Variants in ERBB4 observed in about 807,000 individuals in gnomAD.
ERBB4 encodes receptor tyrosine-protein kinase erbB-4.
In ERBB4, 42 loss-of-function variants were observed where a neutral mutation model predicts 158.0. That is an observed-to-expected ratio of 0.27 (90% CI 0.21 to 0.34). The LOEUF (loss-of-function observed/expected upper bound fraction) is 0.34. Ranked by LOEUF, ERBB4 falls within the 10% of genes least tolerant of loss-of-function variation. The pLI is 1.00. For missense variants in ERBB4, 1,333 were observed against 1,624.1 expected (o/e 0.82, Z 3.08); for synonymous variants, 583 against 558.7 (o/e 1.04, Z -0.61).
chr2:211,711,027 T>TAAA, intron 9 of ERBB4, among the ~76,000 whole-genome samples: 1 of 139,988 alleles, frequency 7.1e-6, no homozygotes, highest in African/African-American at 2.6e-5. Flanking sequence ...AAAAGGCAAG[T>TAAA]AAAAAAAAAA....
chr2:211,889,439 A>G (rs1218358166), intron 3 of ERBB4, among the ~76,000 whole-genome samples: 1 of 149,840 alleles, frequency 6.7e-6, no homozygotes, highest in Non-Finnish European at 1.5e-5. Flanking sequence ...TAAAACCACA[A>G]AGATGGGGAA....
chr2:211,845,017 T>A (rs1224463076), intron 3 of ERBB4, among the ~76,000 whole-genome samples: 1 of 152,116 alleles, frequency 6.6e-6, no homozygotes, highest in Non-Finnish European at 1.5e-5. Flanking sequence ...CCAATTCTTG[T>A]AGCATTGGGA....
intron 1 of ERBB4, among the ~76,000 whole-genome samples, chr2:212,314,561 A>G (rs115962666): frequency 6.6e-6 from 1 of 151,078 alleles, no homozygotes; most frequent in Non-Finnish European, 1.5e-5. Context: ...ATAGAATTTT[A>G]AAAAAAATCC....
chr2:211,705,158 T>C (rs528415718), intron 10 of ERBB4, among the ~76,000 whole-genome samples, 160 bp downstream of exon 10: 2 of 152,230 alleles, frequency 1.3e-5, no homozygotes, highest in East Asian at 1.9e-4. Context: ...GGTTTCTCCA[T>C]GTTGGCCAGG....
chr2:211,494,693 CG>C (rs1355438510), intron 20 of ERBB4, among the ~76,000 whole-genome samples: 1 of 152,024 alleles, frequency 6.6e-6, no homozygotes, highest in Non-Finnish European at 1.5e-5. Flanking sequence ...TTTTAAAAGG[CG>C]TTTGTTGTGA....
intron 2 of ERBB4, among the ~76,000 whole-genome samples, chr2:212,059,896 T>A (rs2077707123): frequency 6.6e-6 from 1 of 152,098 alleles, no homozygotes; most frequent in Non-Finnish European, 1.5e-5. Flanking sequence ...GCACTTCATG[T>A]CTAAAACACC....
intron 1 of ERBB4, among the ~76,000 whole-genome samples, chr2:212,254,609 TC>T (rs776965984): frequency 2.8e-4 from 42 of 151,898 alleles, no homozygotes; most frequent in African/African-American, 9.7e-4. Context: ...CTGACACCAT[TC>T]CCCACGAATC....
intron 4 of ERBB4, among the ~76,000 whole-genome samples, chr2:211,781,275 GA>G (rs974005085): frequency 7.9e-5 from 12 of 151,984 alleles, no homozygotes; most frequent in African/African-American, 1.9e-4. Context: ...AAAAGTCACT[GA>G]AAAAAAAGTT....
chr2:212,278,122 T>G (rs1004167510), intron 1 of ERBB4, among the ~76,000 whole-genome samples: 2 of 151,930 alleles, frequency 1.3e-5, no homozygotes, highest in African/African-American at 4.8e-5. Context: ...AGTTTTGTAC[T>G]TGAAATGTTT....
At chr2:211,605,960 C>A (rs1443905935) in intron 19 of ERBB4, among the ~76,000 whole-genome samples, 1 of 151,830 alleles carries the variant, frequency 6.6e-6, no homozygotes, top group African/African-American at 2.4e-5. Context: ...TAAGAGGTCT[C>A]CTAATTAGTA....
intron 1 of ERBB4, among the ~76,000 whole-genome samples, chr2:212,279,073 T>C (rs17346545): frequency 0.045 from 6,833 of 151,554 alleles, 215 homozygotes; most frequent in Middle Eastern, 0.071. Flanking sequence ...ACTGTAAATT[T>C]GTGTGTATTT....
At chr2:212,475,696 G>T (rs1286703230) in intron 1 of ERBB4, among the ~76,000 whole-genome samples, 1 of 152,034 alleles carries the variant, frequency 6.6e-6, no homozygotes, top group Non-Finnish European at 1.5e-5. Flanking sequence ...ATGTGTTATT[G>T]TATGAATGAA....
At position 211,788,055 on chromosome 2, in the gene ERBB4, T is replaced by G. The variant is rs2076207225; in HGVS notation, c.526A>C (p.Thr176Pro). 6 of 1,613,322 alleles carry G rather than the reference T, an allele frequency of 3.7e-6. No individual in the cohort carries two copies. The highest frequency in any genetic ancestry group is 5.1e-6 in the Non-Finnish European group (6 of 1,179,612). Residue 176 changes from threonine (T) to proline (P), a missense_variant, in exon 4 of 28, where the codon ACT (threonine) becomes CCT (proline). Coordinates refer to ENST00000342788, the MANE Select transcript of ERBB4 (RefSeq NM_005235.3). ...IVRNPWPSNLTLVSTNGSSGC... is the reference protein window; with the variant it reads ...IVRNPWPSNLPLVSTNGSSGC... Reference sequence around the variant, plus strand: ...GAACTACCATTTGTTGACACAAGAGTCAAGTTGGAAGGCCATGGGTTCCGA... The same window carrying G: ...GAACTACCATTTGTTGACACAAGAGGCAAGTTGGAAGGCCATGGGTTCCGA...
chr2:212,204,309 A>G (rs2082671997), intron 1 of ERBB4, among the ~76,000 whole-genome samples: 1 of 152,226 alleles, frequency 6.6e-6, no homozygotes. Flanking sequence ...AAAACTTTAC[A>G]AAATATTATT....
chr2:212,323,511 T>G (rs185228058), intron 1 of ERBB4, among the ~76,000 whole-genome samples: 2 of 150,404 alleles, frequency 1.3e-5, no homozygotes, highest in Non-Finnish European at 3.0e-5. Context: ...AATATCATGA[T>G]ACTTTCTAAG....
chr2:212,101,975 T>A (rs1223752797), intron 2 of ERBB4, among the ~76,000 whole-genome samples: 3 of 151,306 alleles, frequency 2.0e-5, no homozygotes, highest in African/African-American at 7.3e-5. Flanking sequence ...TCCTTTGTAA[T>A]GCTTCCAGGT....
intron 1 of ERBB4, among the ~76,000 whole-genome samples, chr2:212,250,573 A>C (rs928714926): frequency 2.0e-5 from 3 of 151,996 alleles, no homozygotes; most frequent in Admixed American, 2.0e-4. Flanking sequence ...CAGGATTAAT[A>C]ACAGGAAACA....
chr2:212,314,459 CAGTT>C (rs977346852), intron 1 of ERBB4, among the ~76,000 whole-genome samples: 1 of 149,676 alleles, frequency 6.7e-6, no homozygotes, highest in Non-Finnish European at 1.5e-5. Flanking sequence ...AAAAATGAAA[CAGTT>C]AAATTAATTC....
chr2:212,363,192 G>A (rs893698948), intron 1 of ERBB4, among the ~76,000 whole-genome samples: 1 of 151,260 alleles, frequency 6.6e-6, no homozygotes, highest in Non-Finnish European at 1.5e-5. Flanking sequence ...GGTTGTAATT[G>A]TGTGATCAGA....
Sources: gnomAD v4.1 joint callset for allele counts (sites outside exome capture counted in the v4.1 genomes callset) on GRCh38, gnomAD v4.1.1 for gene constraint, MANE v1.5 for transcripts, NCBI Gene and HGNC (gene_info 2026-07-23, HGNC 2026-07-21) for gene names.